Variants in NELFA observed in about 807,000 individuals in gnomAD.
The protein encoded by NELFA is negative elongation factor complex member A.
A neutral mutation model predicts 51.8 loss-of-function variants in NELFA; 35 were observed. The ratio of observed to expected loss-of-function variants is 0.68; its 90% CI spans 0.52 to 0.90. The LOEUF (loss-of-function observed/expected upper bound fraction) is 0.90, where lower values mean the gene tolerates loss of function less well. NELFA is among the 40% of genes least tolerant of loss of function. The pLI is 0.00. For synonymous variants in NELFA, 417 were observed against 338.4 expected, an observed-to-expected ratio of 1.23 and a Z score of -2.55; for missense variants, 658 against 746.4, an observed-to-expected ratio of 0.88 and a Z score of 1.38.
intron 7 of NELFA, 95 bp downstream of exon 7, chr4:1,985,677 CATAT>C (rs1013696439): frequency 9.4e-6 from 8 of 854,542 alleles, no homozygotes; most frequent in Non-Finnish European, 1.9e-6. Context: ...TATGTACATA[CATAT>C]ATATATTCTC....
intron 7 of NELFA, 96 bp downstream of exon 7, chr4:1,985,680 A>G (rs1728065786): frequency 3.5e-6 from 3 of 864,348 alleles, no homozygotes; most frequent in Non-Finnish European, 5.6e-6. Flanking sequence ...GTACATACAT[A>G]TATATATTCT....
intron 1 of NELFA, among the ~76,000 whole-genome samples, chr4:1,997,166 C>T (rs1238233306): frequency 1.3e-5 from 2 of 152,086 alleles, no homozygotes; most frequent in African/African-American, 2.4e-5. Context: ...CTGAAAAATC[C>T]TCCCACAAAG....
At chr4:2,002,666 A>C (rs1158259167) in intron 1 of NELFA, among the ~76,000 whole-genome samples, 1 of 152,234 alleles carries the variant, frequency 6.6e-6, no homozygotes, top group African/African-American at 2.4e-5. Context: ...GTGCTGGGAA[A>C]ACTGGCTAGC....
At position 1,996,122 on chromosome 4, in the gene NELFA, A is replaced by G. The variant is rs539807259; in HGVS notation, c.211-4407T>C. Among the ~76,000 whole-genome samples, 3 of 152,356 alleles carry G rather than the reference A, an allele frequency of 2.0e-5. No homozygotes were observed. The South Asian group carries it at 6.2e-4, about 32-fold the overall frequency. On this transcript the variant is annotated intron_variant, in intron 1 of 10. Transcript: ENST00000382882. ...GCAAGCTTACTGGCAACATTTACAA[A>G]AACTGACCATACATTTTGCCATTAA...
intron 1 of NELFA, among the ~76,000 whole-genome samples, chr4:1,994,655 A>G (rs1464901398): frequency 6.6e-6 from 1 of 151,822 alleles, no homozygotes; most frequent in Non-Finnish European, 1.5e-5. Flanking sequence ...GGAGATTGAG[A>G]CCATCCTGGC....
chr4:1,987,423 C>T (rs2109056566), intron 4 of NELFA: 1 of 155,230 alleles, frequency 6.4e-6, no homozygotes, highest in African/African-American at 2.4e-5. Flanking sequence ...GAGCACAAAT[C>T]AGGAAGGGCA....
At chr4:1,995,876 G>A (rs1406401755) in intron 1 of NELFA, among the ~76,000 whole-genome samples, 1 of 139,502 alleles carries the variant, frequency 7.2e-6, no homozygotes. Context: ...TCTTCTCACT[G>A]ATTTTTTTTT....
intron 1 of NELFA, among the ~76,000 whole-genome samples, chr4:2,005,403 T>C (rs1199791519): frequency 2.0e-5 from 3 of 152,060 alleles, no homozygotes; most frequent in Non-Finnish European, 4.4e-5. Context: ...ATTTTGCAAC[T>C]AGCAAAACTT....
chr4:1,983,296 G>T lies in NELFA; in HGVS notation c.*23C>A, dbSNP rs115140727. 9.9e-5 allele frequency: 159 copies of T among 1,599,162 alleles called. No individual in the cohort carries two copies. In the African/African-American group the frequency reaches 1.8e-3, roughly 18 times the overall value. On this transcript the variant is annotated 3_prime_UTR_variant, in exon 11 of 11. Transcript: ENST00000382882. ...CGTCCCGTGGACCCCCACAAGTGAC[G>T]GCCAGCTGTGAGGCAGGTGGTTCTA...
rs193156044 is a variant in NELFA, at chr4:1,988,637, T to G, written c.545-630A>C. On this transcript the variant is annotated intron_variant, in intron 3 of 10. Transcript: ENST00000382882. ...TGCACAGCTGCTGTCAGCCTTTTAT[T>G]TGGATTCTCTGGAAACGGGGTATTG... 3.3e-5 allele frequency among the ~76,000 whole-genome samples: 5 copies of G among 152,372 alleles called. No individual in the cohort carries two copies. In the East Asian group the frequency reaches 7.7e-4, roughly 24 times the overall value.
At chr4:2,001,996 C>T (rs1416693135) in intron 1 of NELFA, among the ~76,000 whole-genome samples, 2 of 150,990 alleles carry the variant, frequency 1.3e-5, no homozygotes, top group Admixed American at 6.6e-5. Context: ...GTCAGGAGAT[C>T]GAGACCATCC....
rs900635436 is a variant in NELFA, at chr4:1,984,120, G to A, written c.1037-7C>T. 8.4e-6 allele frequency: 13 copies of A among 1,546,692 alleles called. No homozygotes were observed. The highest frequency in any genetic ancestry group is 1.1e-5 in the Non-Finnish European group (13 of 1,153,984). On this transcript the variant is annotated splice_polypyrimidine_tract_variant and splice_region_variant and intron_variant, in intron 8 of 10. Coordinates refer to ENST00000382882, the MANE Select transcript of NELFA (RefSeq NM_005663.5). Reference sequence around the variant, plus strand: ...GCTTCCCGGGAAGATGGGGCTGCAAGTAGACCGGGGCCTGGTGAGGGGGCT... The same window carrying A: ...GCTTCCCGGGAAGATGGGGCTGCAAATAGACCGGGGCCTGGTGAGGGGGCT...
At chr4:1,986,460 C>CA in intron 4 of NELFA, 58 bp from the exon 5 acceptor site, 2 of 1,596,584 alleles carry the variant, frequency 1.3e-6, no homozygotes, top group South Asian at 1.1e-5. Flanking sequence ...GTCCCCCACC[C>CA]CGAGCTCAGA....
chr4:1,993,889 C>A (rs1313429460), intron 1 of NELFA, among the ~76,000 whole-genome samples: 1 of 151,542 alleles, frequency 6.6e-6, no homozygotes, highest in African/African-American at 2.4e-5. Context: ...CAACCTCCGC[C>A]TTCCCAGGTC....
chr4:2,007,253 G>T (rs1003913221), intron 1 of NELFA: 6 of 281,366 alleles, frequency 2.1e-5, no homozygotes, highest in African/African-American at 4.4e-5. Context: ...AAATAATTTG[G>T]CATGATCCTA....
Position 1,987,970 on chromosome 4 carries a change from C to T in NELFA, c.582G>A (p.Gly194=). 1 of 1,611,324 alleles carries T rather than the reference C, an allele frequency of 6.2e-7. No homozygotes were observed. Among genetic ancestry groups the T allele is most frequent in the Non-Finnish European group, 8.5e-7 (1 of 1,179,728 alleles). The change falls in exon 4 of 11, where the codon GGG becomes GGA. Residue 194 remains glycine, a synonymous_variant. Transcript: ENST00000382882. Reference sequence around the variant, plus strand: ...CCCGGCCCTTGGCGTGGAAGGGCACCCCGGCGCTCCGCTTCAACTGCTGGG... The same window carrying T: ...CCCGGCCCTTGGCGTGGAAGGGCACTCCGGCGCTCCGCTTCAACTGCTGGG... The part of the protein sequence containing the change: ...ETAQQLKRSA[G]VPFHAKGRGL...
chr4:1,991,848 G>A (rs1367937717), intron 1 of NELFA, 133 bp from the exon 2 acceptor site: 3 of 902,564 alleles, frequency 3.3e-6, no homozygotes, highest in Admixed American at 5.9e-5. Flanking sequence ...CCTCCTGAGG[G>A]CTCCCCTTCC....
chr4:2,001,909 A>G (rs1038290544), intron 1 of NELFA, among the ~76,000 whole-genome samples: 2 of 148,368 alleles, frequency 1.3e-5, no homozygotes, highest in Admixed American at 6.7e-5. Context: ...TCTCAAAAGA[A>G]AAAAAAAAAG....
intron 1 of NELFA, among the ~76,000 whole-genome samples, chr4:1,998,606 A>T (rs1280897577): frequency 6.6e-6 from 1 of 152,140 alleles, no homozygotes; most frequent in African/African-American, 2.4e-5. Context: ...TAGAGAGAAA[A>T]GAATGAAAAG....
Sources: gnomAD v4.1 joint callset for allele counts (sites outside exome capture counted in the v4.1 genomes callset) on GRCh38, gnomAD v4.1.1 for gene constraint, MANE v1.5 for transcripts, NCBI Gene and HGNC (gene_info 2026-07-23, HGNC 2026-07-21) for gene names.